CHD9: variants seen among roughly 807,000 people sequenced by gnomAD.
CHD9 encodes chromodomain helicase DNA binding protein 9, also known as ATP-dependent chromatin remodeler CHD9.
Under a neutral mutation model 316.1 loss-of-function variants are expected in CHD9, and 77 were observed. The observed-to-expected ratio is 0.24, with a 90% confidence interval of 0.20 to 0.29. The LOEUF is 0.29. Among genes scored for constraint, CHD9 ranks in the 10% least tolerant of loss-of-function variants. The pLI is 1.00. For synonymous variants in CHD9, 1,129 were observed against 1,158.3 expected, an observed-to-expected ratio of 0.97 and a Z score of 0.51; for missense variants, 2,763 against 3,438.1, an observed-to-expected ratio of 0.80 and a Z score of 4.91.
chr16:53,263,175 C>A, intron 20 of CHD9, 78 bp downstream of exon 20: 2 of 1,070,658 alleles, frequency 1.9e-6, no homozygotes, highest in South Asian at 3.0e-5. Context: ...TTAAGGTGTT[C>A]AATTATGCAG....
At chr16:53,215,012 A>C (rs1364403139) in intron 3 of CHD9, among the ~76,000 whole-genome samples, 1 of 150,912 alleles carries the variant, frequency 6.6e-6, no homozygotes, top group Non-Finnish European at 1.5e-5. Flanking sequence ...TCCCAGGTTC[A>C]TGCCATTCTC....
intron 8 of CHD9, among the ~76,000 whole-genome samples, chr16:53,229,697 G>A (rs970094558): frequency 1.3e-5 from 2 of 152,078 alleles, no homozygotes; most frequent in Admixed American, 6.5e-5. Flanking sequence ...CTAGATTTCC[G>A]AAATGTTAAC....
intron 2 of CHD9, among the ~76,000 whole-genome samples, chr16:53,191,177 T>C (rs949084027): frequency 1.3e-5 from 2 of 152,152 alleles, no homozygotes; most frequent in Admixed American, 6.5e-5. Flanking sequence ...GTTTTTAATT[T>C]CATATAAATG....
chr16:53,175,839 T>A (rs2043063050), intron 2 of CHD9, among the ~76,000 whole-genome samples: 1 of 152,228 alleles, frequency 6.6e-6, no homozygotes, highest in African/African-American at 2.4e-5. Context: ...TTAGATCTTA[T>A]CATCTACTGT....
chr16:53,262,443 G>T (rs2051233081), intron 19 of CHD9, among the ~76,000 whole-genome samples: 1 of 152,100 alleles, frequency 6.6e-6, no homozygotes, highest in Non-Finnish European at 1.5e-5. Flanking sequence ...TGGTTATGCA[G>T]TGTTTCTGTG....
intron 1 of CHD9, among the ~76,000 whole-genome samples, chr16:53,133,527 G>T (rs1243865426): frequency 6.6e-6 from 1 of 152,124 alleles, no homozygotes; most frequent in East Asian, 1.9e-4. Context: ...TCGGGACTTT[G>T]TCACTTAACT....
At chr16:53,208,104 C>A in intron 2 of CHD9, 7 of 1,024,516 alleles carry the variant, frequency 6.8e-6, no homozygotes, top group Non-Finnish European at 8.2e-6. Flanking sequence ...GTGTTTACAG[C>A]CTTTTTCATA....
In CHD9 at chr16:53,314,868, C is replaced by T. The variant is rs748858977; in HGVS notation, c.7408C>T (p.Pro2470Ser). 12 of 1,613,748 alleles carry T rather than the reference C, an allele frequency of 7.4e-6. No individual in the cohort carries two copies. In the East Asian group the frequency reaches 2.7e-4, roughly 36 times the overall value. The change falls in exon 36 of 39, where the codon CCA becomes TCA. Residue 2470 changes from proline to serine, a missense_variant. Pro to Ser is a moderately conservative substitution (Grantham distance 74). This residue lies in a region of CHD9 where 663 missense variants were observed against 751.2 expected (regional missense o/e 0.88). Coordinates refer to ENST00000447540, the MANE Select transcript of CHD9 (RefSeq NM_001308319.2). Reference sequence around the variant, plus strand: ...CTCACAGATTTCCACAGGGATAAATCCAGCACTATCCTATACTCAACCTCA... The same window carrying T: ...CTCACAGATTTCCACAGGGATAAATTCAGCACTATCCTATACTCAACCTCA... Reference protein sequence around the residue: ...TSSQISTGINPALSYTQPQGI... With the variant: ...TSSQISTGINSALSYTQPQGI...
intron 2 of CHD9, among the ~76,000 whole-genome samples, chr16:53,182,667 A>G (rs891926258): frequency 6.6e-6 from 1 of 152,168 alleles, no homozygotes; most frequent in African/African-American, 2.4e-5. Context: ...AGTTTTAGAA[A>G]AACACTTCAC....
intron 1 of CHD9, among the ~76,000 whole-genome samples, chr16:53,081,691 A>G (rs1363126677): frequency 6.6e-6 from 1 of 152,060 alleles, no homozygotes; most frequent in Non-Finnish European, 1.5e-5. Context: ...GGGCTCAAGC[A>G]ATCCTCTTAC....
intron 1 of CHD9, among the ~76,000 whole-genome samples, chr16:53,098,892 G>A (rs3852742): frequency 0.11 from 16,612 of 152,228 alleles, 1,296 homozygotes; most frequent in East Asian, 0.43. Flanking sequence ...AAGCGTCTGT[G>A]GCTCAGTTCT....
At chr16:53,083,841 C>T (rs2035235543) in intron 1 of CHD9, among the ~76,000 whole-genome samples, 1 of 152,092 alleles carries the variant, frequency 6.6e-6, no homozygotes, top group Non-Finnish European at 1.5e-5. Flanking sequence ...GCCTTGAACT[C>T]ATGGCCTCAA....
At chr16:53,304,802 C>T (rs186479877) in intron 31 of CHD9, among the ~76,000 whole-genome samples, 177 bp downstream of exon 31, 3 of 149,658 alleles carry the variant, frequency 2.0e-5, no homozygotes, top group Non-Finnish European at 4.4e-5. Context: ...TCAAGCGACT[C>T]TCCTGCCTCA....
At chr16:53,304,683 CTTTTCTTTTCTTTTTT>C in intron 31 of CHD9, 58 bp downstream of exon 31, 18 of 1,052,166 alleles carry the variant, frequency 1.7e-5, no homozygotes, top group East Asian at 5.9e-5. Flanking sequence ...CTTTTCTTTT[CTTTTCTTTTCTTTTTT>C]TTTTTTTTTT....
intron 16 of CHD9, 193 bp downstream of exon 16, chr16:53,247,696 A>G: frequency 1.8e-6 from 1 of 551,394 alleles, no homozygotes. Flanking sequence ...GCAATATTAG[A>G]TGTGCCTGAG....
intron 1 of CHD9, among the ~76,000 whole-genome samples, chr16:53,107,355 G>A (rs1419275956): frequency 6.6e-6 from 1 of 151,884 alleles, no homozygotes; most frequent in Non-Finnish European, 1.5e-5. Context: ...AGCTACTCAG[G>A]AGGCTGAGGC....
chr16:53,296,995 A>T lies in CHD9; in HGVS notation c.5550A>T (p.Val1850=), dbSNP rs370916945. The T allele has an allele frequency of 1.9e-6, 3 of 1,613,650 alleles. No homozygotes were observed. The change falls in exon 30 of 39, where the codon GTA becomes GTT. Residue 1850 remains valine (V), a synonymous_variant. Coordinates refer to ENST00000447540, the MANE Select transcript of CHD9 (RefSeq NM_001308319.2). ...AAGAAGCTGACTTTTATAGGGTTGT[A>T]TCTACATTTGGAGTGGTTTTTGACC... ...RREEADFYRV[V]STFGVVFDPD...
chr16:53,159,798 CG>C (rs2041782295), intron 2 of CHD9, among the ~76,000 whole-genome samples: 1 of 152,024 alleles, frequency 6.6e-6, no homozygotes, highest in Non-Finnish European at 1.5e-5. Flanking sequence ...TCAGTAGAGA[CG>C]GGGTTTCAGC....
Position 53,324,422 on chromosome 16 carries a change from G to A in CHD9, c.8221G>A (p.Asp2741Asn). 5 of 1,613,930 alleles carry A rather than the reference G, an allele frequency of 3.1e-6. No individual in the cohort carries two copies. The highest frequency in any genetic ancestry group is 1.1e-5 in the South Asian group (1 of 91,088). ...LTKPTESGTE[D>N]KKGSDSKESE... ...AAAGCCTACGGAATCTGGGACAGAA[G>A]ACAAAAAGGGAAGTGACTCTAAGGA... The change falls in exon 39 of 39, where the codon GAC (aspartate) becomes AAC (asparagine). Residue 2741 changes from aspartate to asparagine, a missense_variant. By Grantham distance (23) the Asp-to-Asn change is conservative. Transcript: ENST00000447540.
Sources: gnomAD v4.1 joint callset for allele counts (sites outside exome capture counted in the v4.1 genomes callset) on GRCh38, gnomAD v4.1.1 for gene constraint, gnomAD v4.1.1 regional missense constraint, MANE v1.5 for transcripts, NCBI Gene and HGNC (gene_info 2026-07-23, HGNC 2026-07-21) for gene names.